The following ASB5 variants were observed in gnomAD, a reference collection of about 807,000 sequenced individuals.
ASB5 encodes the protein ankyrin repeat and SOCS box containing 5, also known as ankyrin repeat and SOCS box protein 5.
ASB5 carries 45 observed loss-of-function variants against 42.1 expected under a neutral mutation model. That is an observed-to-expected ratio of 1.07 (90% CI 0.84 to 1.37). ASB5 has a LOEUF of 1.37. ASB5 is among the 40% of genes most tolerant of loss of function. The pLI is 0.00. For missense variants in ASB5, 402 were observed against 399.8 expected, an observed-to-expected ratio of 1.01 and a Z score of -0.05; for synonymous variants, 147 against 150.6, an observed-to-expected ratio of 0.98 and a Z score of 0.18.
At chr4:176,276,698 T>C (rs552302777) in intron 1 of ASB5, among the ~76,000 whole-genome samples, 28 of 152,294 alleles carry the variant, frequency 1.8e-4, no homozygotes, top group African/African-American at 6.0e-4. Flanking sequence ...AAATCAAGGC[T>C]CTGGAACTGG....
rs1414049642 is a variant in ASB5 at position 176,219,597 on chromosome 4, T to TG, written c.670+1557_670+1558insC. ...TATGATATATATATATATATATATA[T>TG]ATATATATATATATATATATAGGCT... On this transcript the variant is annotated intron_variant, in intron 5 of 6. Transcript: ENST00000296525. 8.7e-5 allele frequency among the ~76,000 whole-genome samples: 10 copies of TG among 114,290 alleles called. 3 individuals are homozygous for TG. Among genetic ancestry groups the TG allele is most frequent in the Non-Finnish European group, 1.4e-4 (8 of 57,986 alleles). 75.0% of individuals were successfully genotyped at this position (114,290 alleles called of 152,430 possible).
intron 1 of ASB5, among the ~76,000 whole-genome samples, chr4:176,238,387 A>G (rs898597134): frequency 1.3e-5 from 2 of 152,192 alleles, no homozygotes; most frequent in Non-Finnish European, 2.9e-5. Context: ...AGACGTCAGC[A>G]GTCAATTTAA....
chr4:176,247,929 A>T (rs2126967498), intron 1 of ASB5, among the ~76,000 whole-genome samples: 1 of 152,300 alleles, frequency 6.6e-6, no homozygotes, highest in Admixed American at 6.5e-5. Context: ...TAGGATACAA[A>T]ATAACTTCTA....
chr4:176,269,147 A>G lies in ASB5; in HGVS notation c.-39T>C, dbSNP rs1434641931. The G allele has an allele frequency of 3.2e-6, 5 of 1,579,792 alleles. No individual in the cohort carries two copies. Among genetic ancestry groups the G allele is most frequent in the Non-Finnish European group, 4.3e-6 (5 of 1,159,038 alleles). Reference sequence around the variant, plus strand: ...TCTGCGGCGGTCTTTAGTTGGATCCAAGTCTCAAATGTGCCTGGCTCTCGT... The same window carrying G: ...TCTGCGGCGGTCTTTAGTTGGATCCGAGTCTCAAATGTGCCTGGCTCTCGT... On this transcript the variant is annotated 5_prime_UTR_variant, in exon 1 of 7. Transcript: ENST00000296525.
intron 1 of ASB5, among the ~76,000 whole-genome samples, chr4:176,242,008 G>A (rs1178490822): frequency 6.6e-6 from 1 of 152,128 alleles, no homozygotes; most frequent in African/African-American, 2.4e-5. Flanking sequence ...GGGTCAAAGG[G>A]GAAGATCCGG....
intron 1 of ASB5, chr4:176,241,469 T>C (rs1272025776): frequency 1.3e-6 from 2 of 1,535,378 alleles, no homozygotes; most frequent in Non-Finnish European, 1.7e-6. Flanking sequence ...TACCTGTTAC[T>C]GCCAAATTTC....
intron 3 of ASB5, 109 bp downstream of exon 3, chr4:176,222,204 C>A: frequency 2.1e-6 from 2 of 961,916 alleles, no homozygotes; most frequent in Non-Finnish European, 1.6e-6. Context: ...TTTTATTCTG[C>A]TATTTTTGAA....
At chr4:176,225,104 A>T (rs1192455063) in intron 2 of ASB5, among the ~76,000 whole-genome samples, 158 bp downstream of exon 2, 4 of 152,236 alleles carry the variant, frequency 2.6e-5, no homozygotes, top group Non-Finnish European at 5.9e-5. Flanking sequence ...AAGAAGTTTC[A>T]AAGATAAGTG....
upstream of ASB5, among the ~76,000 whole-genome samples, chr4:176,273,607 A>G (rs149313585): frequency 4.7e-4 from 71 of 152,342 alleles, no homozygotes; most frequent in African/African-American, 1.7e-3. Flanking sequence ...TCATTAACTT[A>G]GACTGCATCC....
intron 6 of ASB5, among the ~76,000 whole-genome samples, 178 bp from the exon 7 acceptor site, chr4:176,215,905 A>G (rs1397138424): frequency 6.6e-6 from 1 of 152,142 alleles, no homozygotes; most frequent in Non-Finnish European, 1.5e-5. Flanking sequence ...ATAAGATCTT[A>G]TTATAATTGA....
chr4:176,236,965 T>C (rs1753701435), intron 1 of ASB5, among the ~76,000 whole-genome samples: 2 of 152,226 alleles, frequency 1.3e-5, no homozygotes, highest in African/African-American at 4.8e-5. Context: ...AAAATTTCCA[T>C]ATTGCCTGTA....
Position 176,225,290 on chromosome 4 carries a change from A to G in ASB5, c.248T>C (p.Leu83Pro). The change falls in exon 2 of 7, where the codon CTT becomes CCT. Residue 83 changes from leucine to proline, a missense_variant. Leu to Pro is a moderately conservative substitution (Grantham distance 98). Transcript: ENST00000296525. ...TGATAATAATGTTCTCAGAGCAAGA[A>G]GGCGACCTTGACTTGCTGCTTCATG... ...PLHEAASQGR[L>P]LALRTLLSQG... 1.2e-6 allele frequency: 2 copies of G among 1,614,046 alleles called. No homozygotes were observed. The highest frequency in any genetic ancestry group is 1.7e-6 in the Non-Finnish European group (2 of 1,179,884).
chr4:176,243,448 T>C (rs1753850250), intron 1 of ASB5, among the ~76,000 whole-genome samples: 1 of 152,172 alleles, frequency 6.6e-6, no homozygotes, highest in Non-Finnish European at 1.5e-5. Flanking sequence ...TACAGCTTTT[T>C]AGTAAATTCA....
intron 1 of ASB5, among the ~76,000 whole-genome samples, chr4:176,263,655 T>C (rs1754304820): frequency 6.6e-6 from 1 of 152,214 alleles, no homozygotes; most frequent in Non-Finnish European, 1.5e-5. Context: ...TACCTTTATA[T>C]AATAAAGATA....
intron 1 of ASB5, among the ~76,000 whole-genome samples, chr4:176,249,911 A>G (rs1968856): frequency 0.039 from 5,943 of 151,234 alleles, 393 homozygotes; most frequent in African/African-American, 0.14. Context: ...TAAAAACACA[A>G]AAAATTAGCC....
At position 176,214,541 on chromosome 4, in the gene ASB5, C is replaced by T. The variant is rs1440880614; in HGVS notation, c.*1059G>A. ...TACAATACTCTCTTGCTATTACTTGCAAATACAGTATACTCTAAGCCCTTG... is the reference window on the plus strand; with the variant it reads ...TACAATACTCTCTTGCTATTACTTGTAAATACAGTATACTCTAAGCCCTTG... On this transcript the variant is annotated 3_prime_UTR_variant, in exon 7 of 7. Transcript: ENST00000296525. The T allele has an allele frequency of 2.6e-5, 4 of 152,196 alleles. No individual in the cohort carries two copies. Among genetic ancestry groups the T allele is most frequent in the East Asian group, 1.9e-4 (1 of 5,182 alleles). 9.4% of individuals were successfully genotyped at this position (152,196 alleles called of 1,614,324 possible). A position where few individuals can be genotyped will look rare whatever the true frequency, so the allele number is the denominator to read the frequency against.
At chr4:176,229,499 T>C (rs1193920022) in intron 1 of ASB5, among the ~76,000 whole-genome samples, 1 of 151,180 alleles carries the variant, frequency 6.6e-6, no homozygotes, top group East Asian at 1.9e-4. Flanking sequence ...TTGCTAGGGT[T>C]GAGAGAGAGA....
chr4:176,243,571 C>T (rs534781930), intron 1 of ASB5, among the ~76,000 whole-genome samples: 10 of 152,000 alleles, frequency 6.6e-5, no homozygotes, highest in Admixed American at 3.9e-4. Flanking sequence ...GGCACAATCT[C>T]GGCTCACCGC....
At chr4:176,234,174 G>A (rs1012351689) in intron 1 of ASB5, among the ~76,000 whole-genome samples, 12 of 152,206 alleles carry the variant, frequency 7.9e-5, no homozygotes, top group Non-Finnish European at 1.5e-4. Flanking sequence ...GGGAGCCAAA[G>A]CAATCCTTTG....
Sources: gnomAD v4.1 joint callset for allele counts (sites outside exome capture counted in the v4.1 genomes callset) on GRCh38, gnomAD v4.1.1 for gene constraint, MANE v1.5 for transcripts, NCBI Gene and HGNC (gene_info 2026-07-23, HGNC 2026-07-21) for gene names.